CDH13: variants seen among roughly 807,000 people sequenced by gnomAD.
CDH13 encodes the protein cadherin 13.
In CDH13, 24 loss-of-function variants were observed where a neutral mutation model predicts 63.8. The ratio of observed to expected loss-of-function variants is 0.38; its 90% CI spans 0.27 to 0.53. The LOEUF (loss-of-function observed/expected upper bound fraction) is 0.53. CDH13 is among the 20% of genes least tolerant of loss of function. The pLI is 0.85. For synonymous variants in CDH13, 503 were observed against 355.3 expected (o/e 1.42, Z -4.67); for missense variants, 1,049 against 903.1 (o/e 1.16, Z -2.07).
intron 5 of CDH13, among the ~76,000 whole-genome samples, chr16:83,328,580 A>G (rs539401371): frequency 2.0e-5 from 3 of 152,194 alleles, no homozygotes; most frequent in African/African-American, 7.2e-5. Context: ...AGCAACTCAG[A>G]AACAATTTAC....
chr16:82,630,907 C>G (rs926718509), intron 1 of CDH13, among the ~76,000 whole-genome samples: 1 of 152,144 alleles, frequency 6.6e-6, no homozygotes, highest in Non-Finnish European at 1.5e-5. Flanking sequence ...GAAGAGGGCT[C>G]CATCCACAGC....
chr16:83,582,704 C>A (rs573387227), intron 7 of CDH13, among the ~76,000 whole-genome samples: 107 of 152,270 alleles, frequency 7.0e-4, no homozygotes, highest in African/African-American at 2.5e-3. Flanking sequence ...TAGCATAAGA[C>A]CGTGTGCTGA....
rs111236886 is a variant in CDH13, at chr16:83,178,584, A to G, written c.484-38761A>G. On this transcript the variant is annotated intron_variant, in intron 4 of 13. Transcript: ENST00000567109. ...CATTAAAATGCTGATTTGAAATTCA[A>G]TTTTCCATTTTTAAAAATGATCACT... Among the ~76,000 whole-genome samples the G allele has an allele frequency of 2.6e-4, 40 of 152,272 alleles. No individual in the cohort carries two copies. The South Asian group carries it at 5.8e-3, about 22-fold the overall frequency.
chr16:83,405,241 G>T (rs931478940), intron 6 of CDH13, among the ~76,000 whole-genome samples: 1 of 152,164 alleles, frequency 6.6e-6, no homozygotes, highest in Non-Finnish European at 1.5e-5. Flanking sequence ...TAGCTTTGTA[G>T]GCTGAAAAAA....
At chr16:83,375,880 A>G (rs2091451128) in intron 6 of CDH13, among the ~76,000 whole-genome samples, 1 of 152,182 alleles carries the variant, frequency 6.6e-6, no homozygotes, top group South Asian at 2.1e-4. Flanking sequence ...GGGAGTAGAA[A>G]GGGCTGGAAA....
At chr16:82,837,341 C>T (rs979015479) in intron 1 of CDH13, among the ~76,000 whole-genome samples, 1 of 152,082 alleles carries the variant, frequency 6.6e-6, no homozygotes, top group Non-Finnish European at 1.5e-5. Context: ...AAAGTGCTCC[C>T]CCCTGGTTTC....
intron 6 of CDH13, among the ~76,000 whole-genome samples, chr16:83,378,503 TC>T (rs1249573727): frequency 6.6e-6 from 1 of 152,050 alleles, no homozygotes; most frequent in Non-Finnish European, 1.5e-5. Context: ...AATAAAGGGG[TC>T]CCCTTCAGTT....
chr16:83,373,599 G>C (rs12597486), intron 6 of CDH13, among the ~76,000 whole-genome samples: 2 of 152,104 alleles, frequency 1.3e-5, no homozygotes, highest in African/African-American at 4.8e-5. Flanking sequence ...AGGTGTTGGA[G>C]AGAGGCAGGC....
chr16:82,964,035 A>G (rs1203885918), intron 2 of CDH13, among the ~76,000 whole-genome samples: 1 of 152,186 alleles, frequency 6.6e-6, no homozygotes, highest in East Asian at 1.9e-4. Flanking sequence ...AGACCTCCCG[A>G]GTCGCTTTGT....
At chr16:83,046,873 C>T (rs1369673013) in intron 3 of CDH13, among the ~76,000 whole-genome samples, 1 of 152,170 alleles carries the variant, frequency 6.6e-6, no homozygotes, top group Non-Finnish European at 1.5e-5. Flanking sequence ...GCTGCTCTTT[C>T]TGTCTTCTGC....
At position 82,642,225 on chromosome 16, in the gene CDH13, A is replaced by G. The variant is rs148133307; in HGVS notation, c.45+15088A>G. ...TTGTCTGGAATATTTCTGAATTACT[A>G]TTGTTGTTGACACACAATAGAGTTG... is the stretch of plus-strand genomic sequence containing the variant. On this transcript the variant is annotated intron_variant, in intron 1 of 13. Coordinates refer to ENST00000567109, the MANE Select transcript of CDH13 (RefSeq NM_001257.5). 3.7e-3 allele frequency among the ~76,000 whole-genome samples: 570 copies of G among 152,174 alleles called. 1 individual carries two copies. Among genetic ancestry groups the G allele is most frequent in the African/African-American group, 0.013 (538 of 41,520 alleles).
chr16:83,086,882 A>G (rs186820505), intron 3 of CDH13, among the ~76,000 whole-genome samples: 131 of 152,348 alleles, frequency 8.6e-4, no homozygotes, highest in Non-Finnish European at 1.6e-3. Flanking sequence ...GAAGAATTAG[A>G]CTTGGCAGAA....
chr16:82,871,228 G>A (rs1043835208), intron 2 of CDH13, among the ~76,000 whole-genome samples: 6 of 152,198 alleles, frequency 3.9e-5, no homozygotes, highest in Non-Finnish European at 8.8e-5. Context: ...TTGAATTGTT[G>A]ATACAGGTAA....
chr16:83,014,062 TC>T (rs1201092881), intron 2 of CDH13, among the ~76,000 whole-genome samples: 1 of 151,856 alleles, frequency 6.6e-6, no homozygotes, highest in East Asian at 1.9e-4. Context: ...AAGTTCACAG[TC>T]TGATAAGGAA....
intron 4 of CDH13, among the ~76,000 whole-genome samples, chr16:83,180,373 C>A (rs1388511206): frequency 6.6e-6 from 1 of 151,574 alleles, no homozygotes; most frequent in Non-Finnish European, 1.5e-5. Context: ...AGGTTAGGAA[C>A]AAACAAACTT....
chr16:83,233,495 C>T (rs1035776174), intron 5 of CDH13, among the ~76,000 whole-genome samples: 6 of 152,172 alleles, frequency 3.9e-5, no homozygotes, highest in African/African-American at 1.4e-4. Flanking sequence ...TTGTTTAGGT[C>T]AGAAGTCCGA....
At chr16:82,837,369 A>G (rs544282476) in intron 1 of CDH13, among the ~76,000 whole-genome samples, 23 of 152,216 alleles carry the variant, frequency 1.5e-4, no homozygotes, top group Non-Finnish European at 1.8e-4. Context: ...GAACAAATGA[A>G]TGAAATTCAG....
At chr16:82,962,014 G>C (rs1907089568) in intron 2 of CDH13, among the ~76,000 whole-genome samples, 1 of 151,928 alleles carries the variant, frequency 6.6e-6, no homozygotes, top group South Asian at 2.1e-4. Flanking sequence ...GTAAATCCAT[G>C]GTAAAATAAC....
chr16:82,885,668 A>G (rs913635552), intron 2 of CDH13, among the ~76,000 whole-genome samples: 12 of 152,130 alleles, frequency 7.9e-5, no homozygotes, highest in Non-Finnish European at 1.8e-4. Context: ...GGGAAGAAAT[A>G]ATAGTATCTT....
Sources: gnomAD v4.1 joint callset for allele counts (sites outside exome capture counted in the v4.1 genomes callset) on GRCh38, gnomAD v4.1.1 for gene constraint, MANE v1.5 for transcripts, NCBI Gene and HGNC (gene_info 2026-07-23, HGNC 2026-07-21) for gene names.